Variants in SSH2 observed in about 807,000 individuals in gnomAD.
SSH2 encodes protein phosphatase Slingshot homolog 2.
In SSH2, 37 loss-of-function variants were observed where a neutral mutation model predicts 135.2. The ratio of observed to expected loss-of-function variants is 0.27; its 90% CI spans 0.21 to 0.36. The LOEUF is 0.36. SSH2 is among the 10% of genes least tolerant of loss of function. The pLI, the probability that SSH2 is intolerant of heterozygous loss-of-function variation, is 1.00. For synonymous variants in SSH2, 628 were observed against 646.2 expected (o/e 0.97, Z 0.43); for missense variants, 1,408 against 1,765.3 (o/e 0.80, Z 3.63).
chr17:29,736,515 C>T (rs747038484), intron 3 of SSH2, among the ~76,000 whole-genome samples: 4 of 152,068 alleles, frequency 2.6e-5, no homozygotes, highest in East Asian at 1.9e-4. Context: ...CGGTTGGGCG[C>T]GGTGGCTCAC....
At chr17:29,692,268 T>C (rs1335396906) in intron 5 of SSH2, among the ~76,000 whole-genome samples, 1 of 152,170 alleles carries the variant, frequency 6.6e-6, no homozygotes, top group African/African-American at 2.4e-5. Flanking sequence ...AACAAAAGCC[T>C]TTGCTTTGAG....
chr17:29,807,867 C>T (rs1599026653), intron 2 of SSH2, among the ~76,000 whole-genome samples: 2 of 103,786 alleles, frequency 1.9e-5, no homozygotes, highest in Non-Finnish European at 3.6e-5. Context: ...GGAAACACTA[C>T]AATTTGGAAA....
At chr17:29,813,091 A>G (rs762314320) in intron 2 of SSH2, among the ~76,000 whole-genome samples, 36 of 152,214 alleles carry the variant, frequency 2.4e-4, no homozygotes, top group South Asian at 4.2e-4. Context: ...AACACCAATA[A>G]AAAAATGGGG....
chr17:29,806,699 G>A (rs1490121459), intron 2 of SSH2, among the ~76,000 whole-genome samples: 1 of 152,174 alleles, frequency 6.6e-6, no homozygotes, highest in Non-Finnish European at 1.5e-5. Context: ...CATCTTTTCT[G>A]ATTGGTTGAT....
At chr17:29,769,901 A>G (rs1330883310) in intron 3 of SSH2, among the ~76,000 whole-genome samples, 1 of 151,980 alleles carries the variant, frequency 6.6e-6, no homozygotes, top group African/African-American at 2.4e-5. Context: ...TCCCTACTCA[A>G]ACTCCCCAAA....
At chr17:29,735,609 A>C (rs544040336) in intron 3 of SSH2, among the ~76,000 whole-genome samples, 48 of 151,730 alleles carry the variant, frequency 3.2e-4, no homozygotes, top group Non-Finnish European at 6.3e-4. Context: ...AGACAGGAGA[A>C]TCACTTGAAC....
At chr17:29,884,956 T>G (rs2066206971) in intron 1 of SSH2, among the ~76,000 whole-genome samples, 1 of 152,218 alleles carries the variant, frequency 6.6e-6, no homozygotes, top group African/African-American at 2.4e-5. Context: ...CAGGGTTACC[T>G]GTGGATGCTT....
intron 3 of SSH2, among the ~76,000 whole-genome samples, chr17:29,762,277 T>C (rs1261426365): frequency 6.6e-6 from 1 of 152,170 alleles, no homozygotes; most frequent in African/African-American, 2.4e-5. Context: ...AGTAAATCTA[T>C]AGAGGGCTTT....
At chr17:29,790,747 G>C in intron 3 of SSH2, among the ~76,000 whole-genome samples, 1 of 106,370 alleles carries the variant, frequency 9.4e-6, no homozygotes, top group South Asian at 3.0e-4. Flanking sequence ...TTTTTTTTTT[G>C]AGACAGAGTC....
chr17:29,896,335 A>G (rs1413769023), intron 1 of SSH2, among the ~76,000 whole-genome samples: 1 of 112,278 alleles, frequency 8.9e-6, no homozygotes, highest in Non-Finnish European at 1.8e-5. Context: ...TCATGTATAA[A>G]ATGTATTTTA....
At chr17:29,860,743 C>G (rs939416197) in intron 1 of SSH2, among the ~76,000 whole-genome samples, 14 of 118,314 alleles carry the variant, frequency 1.2e-4, no homozygotes, top group African/African-American at 3.9e-4. Flanking sequence ...CCTTTGCCCA[C>G]TTTTTTTCTT....
intron 3 of SSH2, among the ~76,000 whole-genome samples, chr17:29,750,455 T>A (rs553477891): frequency 0.018 from 2,250 of 128,182 alleles, 71 homozygotes; most frequent in African/African-American, 0.059. Context: ...AAAAAAAAAT[T>A]TTTTTTTAAA....
At position 29,673,782 on chromosome 17, in the gene SSH2, C is replaced by T. The variant is rs1017465745; in HGVS notation, c.615-1653G>A. 1.8e-5 allele frequency: 5 copies of T among 280,796 alleles called. No homozygotes were observed. In the South Asian group the frequency reaches 1.8e-4, roughly 10 times the overall value. The allele number at this position is 280,796 out of a possible 1,614,324, so 17.4% of individuals were successfully genotyped here. A position where few individuals can be genotyped will look rare whatever the true frequency, so the allele number is the denominator to read the frequency against. On this transcript the variant is annotated intron_variant, in intron 8 of 15. Transcript: ENST00000540801. ...AAAGATATGACCATATTCTCCATAT[C>T]ATCTATAACTTGCTCTTTTGCTTTA...
Position 29,631,868 on chromosome 17 carries a change from G to A in SSH2, c.3326C>T (p.Ser1109Phe), listed in dbSNP as rs769385473. ...AGTGGGTCTGTTGTGCTCAGGGGAG[G>A]AAGAATGAGGCAGAGGTAGCACTTG... The part of the protein sequence containing the change: ...HPQVLPLPHS[S>F]SPEHNRPTDH... Residue 1109 changes from serine to phenylalanine, a missense_variant, in exon 16 of 16, where the codon TCC (serine) becomes TTC (phenylalanine). Ser to Phe is a radical substitution (Grantham distance 155). Around this residue, in one of 3 missense-constraint regions of SSH2, gnomAD observed 1,080 missense variants for 1,144.5 expected, o/e 0.94. Coordinates refer to ENST00000540801, the MANE Select transcript of SSH2 (RefSeq NM_001282129.2). 1 of 1,614,252 alleles carries A rather than the reference G, an allele frequency of 6.2e-7. No individual in the cohort carries two copies. Among genetic ancestry groups the A allele is most frequent in the South Asian group, 1.1e-5 (1 of 91,088 alleles).
chr17:29,722,223 G>A (rs1325319317), intron 3 of SSH2, among the ~76,000 whole-genome samples: 2 of 149,768 alleles, frequency 1.3e-5, no homozygotes, highest in African/African-American at 4.9e-5. Flanking sequence ...GTAGTGAGCC[G>A]AGATCGCGCC....
At chr17:29,772,876 G>T (rs1212792436) in intron 3 of SSH2, among the ~76,000 whole-genome samples, 1 of 152,060 alleles carries the variant, frequency 6.6e-6, no homozygotes, top group Non-Finnish European at 1.5e-5. Context: ...ATTTGACTGA[G>T]AATTACTCTA....
At chr17:29,915,831 A>G (rs1269428219) in intron 1 of SSH2, among the ~76,000 whole-genome samples, 1 of 151,558 alleles carries the variant, frequency 6.6e-6, no homozygotes, top group East Asian at 1.9e-4. Context: ...AATTTTTTAT[A>G]TATATATTTT....
At chr17:29,655,382 CGT>C (rs2036741268) in intron 12 of SSH2, among the ~76,000 whole-genome samples, 177 bp downstream of exon 12, 1 of 152,156 alleles carries the variant, frequency 6.6e-6, no homozygotes, top group African/African-American at 2.4e-5. Flanking sequence ...GGATTATAGG[CGT>C]GAGTCACCGT....
intron 3 of SSH2, among the ~76,000 whole-genome samples, chr17:29,756,210 T>C (rs12948786): frequency 6.7e-6 from 1 of 149,452 alleles, no homozygotes; most frequent in Non-Finnish European, 1.5e-5. Flanking sequence ...GGGGCGGAGG[T>C]TGCGGTGAGC....
Sources: allele counts gnomAD v4.1 joint callset (sites outside exome capture counted in the v4.1 genomes callset), GRCh38; gene constraint gnomAD v4.1.1; regional missense constraint gnomAD v4.1.1; transcripts MANE v1.5; gene names NCBI Gene and HGNC (gene_info 2026-07-23, HGNC 2026-07-21).